Variants in DNAH12 observed in about 807,000 individuals in gnomAD.
DNAH12 encodes axonemal beta dynein heavy chain 12.
DNAH12 carries 285 observed loss-of-function variants against 371.5 expected under a neutral mutation model. The observed-to-expected ratio is 0.77, with a 90% CI of 0.70 to 0.85. The LOEUF is 0.85. DNAH12 is among the 40% of genes least tolerant of loss of function. The pLI is 0.00. For synonymous variants in DNAH12, 1,200 were observed against 1,213.0 expected, an observed-to-expected ratio of 0.99 and a Z score of 0.22; for missense variants, 3,611 against 3,689.4, an observed-to-expected ratio of 0.98 and a Z score of 0.55.
At chr3:57,546,712 C>A (rs2069581339), upstream of DNAH12, among the ~76,000 whole-genome samples, 2 of 152,166 alleles carry the variant, frequency 1.3e-5, no homozygotes, top group African/African-American at 4.8e-5. Flanking sequence ...GTATGATATA[C>A]CCACCTTCTC....
chr3:57,453,276 C>G lies in DNAH12; in HGVS notation c.3584G>C (p.Arg1195Thr). 1.3e-6 allele frequency: 2 copies of G among 1,541,646 alleles called. No individual in the cohort carries two copies. The highest frequency in any genetic ancestry group is 1.7e-6 in the Non-Finnish European group (2 of 1,144,534). Residue 1195 changes from arginine to threonine, a missense_variant, in exon 24 of 74, where the codon AGA (arginine) becomes ACA (threonine). This residue lies in a region of DNAH12 where 31 missense variants were observed against 53.8 expected (regional missense o/e 0.58). Transcript: ENST00000495027. ...TTTAATCATGTCCATGACCACATCT[C>G]TAGCATGGACATCAATAGTAACCAA... Reference protein sequence around the residue: ...GALVTIDVHARDVVMDMIKMG... With the variant: ...GALVTIDVHATDVVMDMIKMG...
At chr3:57,451,461 C>T (rs2065752907) in intron 25 of DNAH12, among the ~76,000 whole-genome samples, 4 of 152,196 alleles carry the variant, frequency 2.6e-5, no homozygotes, top group Non-Finnish European at 4.4e-5. Context: ...GTGGCTGAAA[C>T]CCCATCTCTA....
In DNAH12 at chr3:57,329,123, A is replaced by G. The variant is rs1306684327; in HGVS notation, c.9978+5342T>C. On this transcript the variant is annotated intron_variant, in intron 62 of 73. Transcript: ENST00000495027. ...GGTAGGAAGAATCAATATTGTGAAA[A>G]TGGCCATACTGCCCAAGGTAATTTA... Among the ~76,000 whole-genome samples, 14 of 148,664 alleles carry G rather than the reference A, an allele frequency of 9.4e-5. No homozygotes were observed. In the East Asian group the frequency reaches 2.6e-3, roughly 27 times the overall value.
chr3:57,496,742 G>A (rs2153387915), intron 11 of DNAH12, among the ~76,000 whole-genome samples: 1 of 152,326 alleles, frequency 6.6e-6, no homozygotes, highest in South Asian at 2.1e-4. Context: ...GCCAAGGTGG[G>A]CGGATCACCT....
At chr3:57,423,737 A>G (rs532206563) in intron 35 of DNAH12, among the ~76,000 whole-genome samples, 2 of 152,278 alleles carry the variant, frequency 1.3e-5, no homozygotes, top group South Asian at 4.1e-4. Flanking sequence ...GCTAACCAAG[A>G]CTACTGACTT....
chr3:57,468,994 A>G lies in DNAH12; in HGVS notation c.2106-15T>C, dbSNP rs1575644371. The G allele has an allele frequency of 2.6e-6, 4 of 1,513,568 alleles. No homozygotes were observed. In the East Asian group the frequency reaches 1.0e-4, roughly 38 times the overall value. 93.8% of individuals were successfully genotyped at this position (1,513,568 alleles called of 1,614,324 possible). A position where few individuals can be genotyped will look rare whatever the true frequency, so the allele number is the denominator to read the frequency against. On this transcript the variant is annotated splice_polypyrimidine_tract_variant and intron_variant, in intron 16 of 73. Transcript: ENST00000495027. ...CATCCATCCACCTGAATGGAAAGAAAAAATATTATTAAACTCAGACTTTTG... is the reference window on the plus strand; with the variant it reads ...CATCCATCCACCTGAATGGAAAGAAGAAATATTATTAAACTCAGACTTTTG...
intron 57 of DNAH12, among the ~76,000 whole-genome samples, chr3:57,365,563 T>C (rs1366575771): frequency 6.6e-6 from 1 of 152,036 alleles, no homozygotes; most frequent in East Asian, 1.9e-4. Flanking sequence ...TGGCACACGT[T>C]TACCTATGTA....
intron 37 of DNAH12, among the ~76,000 whole-genome samples, chr3:57,416,751 A>T (rs968666184): frequency 5.9e-5 from 9 of 152,192 alleles, no homozygotes; most frequent in African/African-American, 2.2e-4. Flanking sequence ...TTTGTCCAAA[A>T]GCAAACTCTA....
chr3:57,514,261 G>A (rs2068103045), intron 4 of DNAH12, among the ~76,000 whole-genome samples: 1 of 151,928 alleles, frequency 6.6e-6, no homozygotes, highest in African/African-American at 2.4e-5. Context: ...GGACATGGTG[G>A]GGGGAACCTG....
Position 57,293,773 on chromosome 3 carries a change from TG to T in DNAH12, c.*7del. On this transcript the variant is annotated 3_prime_UTR_variant, in exon 74 of 74. Transcript: ENST00000495027. ...TAAACTTTTGGATGTTTTATAAATTTGTCCAATTTAGTCATCCAACTGACAA... is the reference window on the plus strand; with the variant it reads ...TAAACTTTTGGATGTTTTATAAATTTTCCAATTTAGTCATCCAACTGACAA... The T allele has an allele frequency of 6.5e-7, 1 of 1,545,398 alleles. No homozygotes were observed. Among genetic ancestry groups the T allele is most frequent in the Non-Finnish European group, 8.7e-7 (1 of 1,145,208 alleles).
At chr3:57,380,740 C>T (rs1173983534) in intron 50 of DNAH12, among the ~76,000 whole-genome samples, 3 of 152,226 alleles carry the variant, frequency 2.0e-5, no homozygotes, top group Admixed American at 6.5e-5. Flanking sequence ...GCTGGGATTA[C>T]AGGCGTGAGC....
rs1195712273 is a variant in DNAH12 at position 57,509,232 on chromosome 3, T to C, written c.470-20A>G. 6.3e-7 allele frequency: 1 copy of C among 1,599,184 alleles called. No homozygotes were observed. On this transcript the variant is annotated intron_variant, in intron 5 of 73. Coordinates refer to ENST00000495027, the MANE Select transcript of DNAH12 (RefSeq NM_001366028.2). The stretch of plus-strand genomic sequence containing the variant: ...TCTGCACTAAAATACATGGATATAT[T>C]AATGCTTCTTGAAAATCTCTGCACA...
At chr3:57,416,778 G>C (rs1211374770) in intron 37 of DNAH12, among the ~76,000 whole-genome samples, 1 of 152,078 alleles carries the variant, frequency 6.6e-6, no homozygotes, top group Admixed American at 6.5e-5. Flanking sequence ...TCCCCATTCA[G>C]TGAATGGGGA....
chr3:57,462,550 C>G lies in DNAH12; in HGVS notation c.2535+140G>C. ...TACAGATGTGAGCTACCGCACCCAG[C>G]CGGAGAGTGGTCTTCTATCACTCTC... On this transcript the variant is annotated intron_variant, in intron 18 of 73. Coordinates refer to ENST00000495027, the MANE Select transcript of DNAH12 (RefSeq NM_001366028.2). 4 of 972,206 alleles carry G rather than the reference C, an allele frequency of 4.1e-6. No homozygotes were observed. The South Asian group carries it at 8.2e-5, about 20-fold the overall frequency. 60.2% of individuals were successfully genotyped at this position (972,206 alleles called of 1,614,324 possible).
rs528293582 is a variant in DNAH12, at chr3:57,351,314, G to T, written c.9674+771C>A. On this transcript the variant is annotated intron_variant, in intron 60 of 73. Transcript: ENST00000495027. Reference sequence around the variant, plus strand: ...AACAAAAAACCAACAAAAATAAAACGTTGGTGGGGATCTGGTGCAATGGAA... The same window carrying T: ...AACAAAAAACCAACAAAAATAAAACTTTGGTGGGGATCTGGTGCAATGGAA... Among the ~76,000 whole-genome samples, 5 of 152,170 alleles carry T rather than the reference G, an allele frequency of 3.3e-5. No individual in the cohort carries two copies. In the South Asian group the frequency reaches 1.0e-3, roughly 32 times the overall value.
At chr3:57,485,472 A>C (rs924308979) in intron 12 of DNAH12, among the ~76,000 whole-genome samples, 2 of 151,624 alleles carry the variant, frequency 1.3e-5, no homozygotes, top group Admixed American at 1.3e-4. Flanking sequence ...GTAGTGGTGC[A>C]ATACACCACA....
chr3:57,505,599 C>G (rs1340966904), intron 8 of DNAH12, among the ~76,000 whole-genome samples: 2 of 152,058 alleles, frequency 1.3e-5, no homozygotes, highest in African/African-American at 2.4e-5. Context: ...TGCCACCACG[C>G]CTGCCTAATT....
intron 57 of DNAH12, among the ~76,000 whole-genome samples, chr3:57,364,482 T>C (rs2063003387): frequency 6.6e-6 from 1 of 152,162 alleles, no homozygotes; most frequent in Admixed American, 6.6e-5. Flanking sequence ...CCAGGTACCA[T>C]AGTGTTTTTC....
intron 70 of DNAH12, among the ~76,000 whole-genome samples, chr3:57,299,295 T>C (rs552652862): frequency 9.2e-5 from 14 of 152,366 alleles, no homozygotes; most frequent in African/African-American, 3.1e-4. Context: ...AAGTGCTTAG[T>C]ACATGCCAGG....
Sources: gnomAD v4.1 joint callset for allele counts (sites outside exome capture counted in the v4.1 genomes callset) on GRCh38, gnomAD v4.1.1 for gene constraint, gnomAD v4.1.1 regional missense constraint, MANE v1.5 for transcripts, NCBI Gene and HGNC (gene_info 2026-07-23, HGNC 2026-07-21) for gene names.